Variants in DENND1B observed in about 807,000 individuals in gnomAD.
DENND1B encodes DENN domain containing 1B.
A neutral mutation model predicts 90.1 loss-of-function variants in DENND1B; 59 were observed. The observed-to-expected ratio is 0.65, with a 90% CI of 0.53 to 0.81. The LOEUF (loss-of-function observed/expected upper bound fraction) is 0.81, where lower values mean the gene tolerates loss of function less well. Ranked by LOEUF, DENND1B falls within the 40% of genes least tolerant of loss-of-function variation. DENND1B has a pLI of 0.00. For synonymous variants in DENND1B, 337 were observed against 324.6 expected (o/e 1.04, Z -0.41); for missense variants, 862 against 912.6 (o/e 0.94, Z 0.71).
At chr1:197,688,290 T>C (rs138845751) in intron 3 of DENND1B, among the ~76,000 whole-genome samples, 150 of 152,192 alleles carry the variant, frequency 9.9e-4, no homozygotes, top group South Asian at 5.0e-3. Flanking sequence ...AAAATCCCAA[T>C]GGCATTTTTC....
intron 3 of DENND1B, among the ~76,000 whole-genome samples, chr1:197,706,610 G>T (rs1659560011): frequency 6.6e-6 from 1 of 152,024 alleles, no homozygotes; most frequent in South Asian, 2.1e-4. Context: ...TTTAAAATGG[G>T]CAAATGAGCT....
intron 6 of DENND1B, among the ~76,000 whole-genome samples, chr1:197,656,257 T>C (rs1470619838): frequency 2.0e-5 from 3 of 151,582 alleles, no homozygotes; most frequent in Admixed American, 6.6e-5. Flanking sequence ...ATTTTAGGTG[T>C]AGATGGACAA....
chr1:197,608,282 C>T (rs1676869408), intron 12 of DENND1B, among the ~76,000 whole-genome samples: 1 of 150,538 alleles, frequency 6.6e-6, no homozygotes, highest in South Asian at 2.1e-4. Context: ...CAGAGAATTT[C>T]CACATGTTAA....
intron 2 of DENND1B, chr1:197,735,581 A>G (rs1446033167): frequency 6.2e-7 from 1 of 1,614,020 alleles, no homozygotes; most frequent in East Asian, 2.2e-5. Flanking sequence ...TCTAAAGGGT[A>G]TTACTCGAAA....
chr1:197,647,212 G>C (rs1680799303), intron 7 of DENND1B, 98 bp from the exon 8 acceptor site: 1 of 658,204 alleles, frequency 1.5e-6, no homozygotes, highest in Non-Finnish European at 2.3e-6. Flanking sequence ...ATGTAGCCAA[G>C]TTAGCCACTA....
intron 7 of DENND1B, 68 bp downstream of exon 7, chr1:197,652,167 A>C: frequency 7.1e-6 from 9 of 1,266,844 alleles, no homozygotes; most frequent in Non-Finnish European, 1.0e-5. Context: ...GCCTGAAGGT[A>C]CACGTGCTCT....
chr1:197,770,793 T>A (rs1313234591), intron 2 of DENND1B, among the ~76,000 whole-genome samples: 1 of 140,388 alleles, frequency 7.1e-6, no homozygotes, highest in East Asian at 2.0e-4. Context: ...TAAATATATA[T>A]CTATAAATAT....
In DENND1B at chr1:197,658,329, T is replaced by C. The variant is rs1436538156; in HGVS notation, c.337A>G (p.Thr113Ala). The C allele has an allele frequency of 1.6e-5, 25 of 1,610,674 alleles. No homozygotes were observed. The highest frequency in any genetic ancestry group is 1.7e-5 in the Non-Finnish European group (20 of 1,178,114). ...TCCTTAGCCAAGTAATCTGCAAGAGTATTTAGAAGCTTGTAATACACTTCA... is the reference window on the plus strand; with the variant it reads ...TCCTTAGCCAAGTAATCTGCAAGAGCATTTAGAAGCTTGTAATACACTTCA... ...WFEVYYKLLN[T>A]LADYLAKELE... is the part of the protein sequence containing the mutation. The change falls in exon 6 of 23, where the codon ACT becomes GCT. Residue 113 changes from threonine to alanine, a missense_variant. By Grantham distance (58) the Thr-to-Ala change is moderately conservative. Coordinates refer to ENST00000620048, the MANE Select transcript of DENND1B (RefSeq NM_001195215.2).
At chr1:197,670,443 C>CTGTGTGTGTGTGTGTGTGTGTG (rs60648023) in intron 5 of DENND1B, among the ~76,000 whole-genome samples, 1,654 of 99,488 alleles carry the variant, frequency 0.017, 88 homozygotes, top group Middle Eastern at 0.032. Flanking sequence ...GGGGGGAAGA[C>CTGTGTGTGTGTGTGTGTGTGTG]TGTGTGTGTG....
At chr1:197,638,785 T>C (rs2125912095) in intron 10 of DENND1B, among the ~76,000 whole-genome samples, 1 of 152,184 alleles carries the variant, frequency 6.6e-6, no homozygotes, top group African/African-American at 2.4e-5. Flanking sequence ...ATGGATAAAA[T>C]CAATGTTCTT....
At chr1:197,639,171 C>G (rs1436064596) in intron 10 of DENND1B, among the ~76,000 whole-genome samples, 1 of 151,574 alleles carries the variant, frequency 6.6e-6, no homozygotes, top group East Asian at 1.9e-4. Context: ...TCAAGTGATT[C>G]TCTTGCCTCA....
In DENND1B at chr1:197,738,613, CATT is replaced by C. The variant is rs372719578; in HGVS notation, c.83-23542_83-23540del. ...CTTCCATGGTAACTATATTCCCAAA[CATT>C]ATTTACCCATGTACTTAGTTACCAT... On this transcript the variant is annotated intron_variant, in intron 2 of 22. Transcript: ENST00000620048. Among the ~76,000 whole-genome samples the C allele has an allele frequency of 6.1e-3, 925 of 152,298 alleles. 5 individuals are homozygous for C. Among genetic ancestry groups the C allele is most frequent in the African/African-American group, 0.021 (890 of 41,548 alleles).
At chr1:197,547,282 A>C (rs906695443) in intron 16 of DENND1B, among the ~76,000 whole-genome samples, 11 of 150,180 alleles carry the variant, frequency 7.3e-5, no homozygotes, top group Non-Finnish European at 1.3e-4. Flanking sequence ...TTTTTTTTTT[A>C]AAGTCCCAGT....
rs148993135 is a variant in DENND1B at position 197,724,732 on chromosome 1, T to G, written c.83-9658A>C. On this transcript the variant is annotated intron_variant, in intron 2 of 22. Transcript: ENST00000620048. ...TGAAACAGCATATATTGTAAGGATA[T>G]TTAAAATGTTATACAATAACATAAC... Among the ~76,000 whole-genome samples the G allele has an allele frequency of 9.2e-5, 14 of 152,256 alleles. 1 individual carries two copies. Among genetic ancestry groups the G allele is most frequent in the African/African-American group, 3.4e-4 (14 of 41,580 alleles).
At chr1:197,648,349 A>G (rs1680918217) in intron 7 of DENND1B, among the ~76,000 whole-genome samples, 1 of 152,152 alleles carries the variant, frequency 6.6e-6, no homozygotes, top group Non-Finnish European at 1.5e-5. Context: ...CTGTAACTTA[A>G]CCCAAAATCT....
At chr1:197,595,072 A>C in intron 14 of DENND1B, 136 bp downstream of exon 14, 2 of 1,209,732 alleles carry the variant, frequency 1.7e-6, no homozygotes, top group Non-Finnish European at 2.2e-6. Flanking sequence ...GTTTTGAAAC[A>C]CATTATTTTG....
chr1:197,664,377 T>C (rs1654729219), intron 5 of DENND1B, among the ~76,000 whole-genome samples: 3 of 152,106 alleles, frequency 2.0e-5, no homozygotes, highest in Non-Finnish European at 1.5e-5. Flanking sequence ...TGCCAACATA[T>C]ATAAATGTAA....
At chr1:197,773,864 C>A (rs1656919205) in intron 1 of DENND1B, among the ~76,000 whole-genome samples, 1 of 152,120 alleles carries the variant, frequency 6.6e-6, no homozygotes, top group African/African-American at 2.4e-5. Flanking sequence ...CTCAGTTATT[C>A]CTGCTAACAA....
intron 3 of DENND1B, among the ~76,000 whole-genome samples, chr1:197,701,916 T>C (rs1659070484): frequency 6.6e-6 from 1 of 152,148 alleles, no homozygotes; most frequent in South Asian, 2.1e-4. Flanking sequence ...TTTCTACATA[T>C]CTATTCACTC....
Sources: allele counts gnomAD v4.1 joint callset (sites outside exome capture counted in the v4.1 genomes callset), GRCh38; gene constraint gnomAD v4.1.1; transcripts MANE v1.5; gene names NCBI Gene and HGNC (gene_info 2026-07-23, HGNC 2026-07-21).